The following ARID2 variants were observed in gnomAD, a reference collection of about 807,000 sequenced individuals.
ARID2 encodes the protein AT-rich interactive domain-containing protein 2.
Under a neutral mutation model 184.6 loss-of-function variants are expected in ARID2, and 32 were observed. That is an observed-to-expected ratio of 0.17 (90% CI 0.13 to 0.23). The LOEUF (loss-of-function observed/expected upper bound fraction) is 0.23. Ranked by LOEUF, ARID2 falls within the 10% of genes least tolerant of loss-of-function variation. The pLI is 1.00. For synonymous variants in ARID2, 836 were observed against 772.6 expected, an observed-to-expected ratio of 1.08 and a Z score of -1.36; for missense variants, 1,696 against 2,197.6, an observed-to-expected ratio of 0.77 and a Z score of 4.56.
rs1196125114 is a variant in ARID2, at chr12:45,863,710, C to T, written c.4922+2761C>T. 3.3e-5 allele frequency among the ~76,000 whole-genome samples: 5 copies of T among 152,120 alleles called. No homozygotes were observed. In the East Asian group the frequency reaches 7.7e-4, roughly 23 times the overall value. ...TATTTAAAGTTGAAATAGCTATGTG[C>T]TCTCTTCCTTTTAAGGACTTAAAAG... On this transcript the variant is annotated intron_variant, in intron 16 of 20. Coordinates refer to ENST00000334344, the MANE Select transcript of ARID2 (RefSeq NM_152641.4).
Position 45,851,735 on chromosome 12 carries a change from C to T in ARID2, c.3612C>T (p.Ser1204=), listed in dbSNP as rs754138436. 1.1e-5 allele frequency: 17 copies of T among 1,613,956 alleles called. No homozygotes were observed. The highest frequency in any genetic ancestry group is 1.6e-4 in the Middle Eastern group (1 of 6,084). Residue 1204 remains serine (S), a synonymous_variant, in exon 15 of 21, where the codon AGC becomes AGT. Coordinates refer to ENST00000334344, the MANE Select transcript of ARID2 (RefSeq NM_152641.4). ...QLIAPAGITM[S]GTQTGVGLPV... ...TTGCTCCAGCAGGAATTACCATGAGCGGAACGCAGACAGGAGTTGGACTTC... is the reference window on the plus strand; with the variant it reads ...TTGCTCCAGCAGGAATTACCATGAGTGGAACGCAGACAGGAGTTGGACTTC...
At chr12:45,787,190 C>T (rs1403030634) in intron 3 of ARID2, among the ~76,000 whole-genome samples, 1 of 151,042 alleles carries the variant, frequency 6.6e-6, no homozygotes, top group African/African-American at 2.4e-5. Context: ...TCATTTTAGC[C>T]ATTCCACAAT....
chr12:45,819,952 C>T (rs567847440), intron 5 of ARID2, among the ~76,000 whole-genome samples: 1 of 152,002 alleles, frequency 6.6e-6, no homozygotes, highest in Non-Finnish European at 1.5e-5. Context: ...TCATGTTGGC[C>T]AGGCCAATCT....
chr12:45,745,705 G>T (rs983154604), intron 3 of ARID2, among the ~76,000 whole-genome samples: 3 of 152,066 alleles, frequency 2.0e-5, no homozygotes, highest in African/African-American at 7.2e-5. Context: ...ACAACAACAT[G>T]CCTGGCTAAT....
intron 3 of ARID2, among the ~76,000 whole-genome samples, chr12:45,771,228 C>T (rs879761865): frequency 3.3e-5 from 5 of 151,996 alleles, no homozygotes; most frequent in Non-Finnish European, 7.4e-5. Flanking sequence ...CGTGGTGGCT[C>T]ACGCCTGTGA....
intron 8 of ARID2, 42 bp from the exon 9 acceptor site, chr12:45,837,279 G>C (rs761339925): frequency 2.7e-6 from 4 of 1,469,020 alleles, no homozygotes; most frequent in Non-Finnish European, 3.7e-6. Context: ...ATACAACTCT[G>C]GAAGAAGCAT....
intron 16 of ARID2, chr12:45,874,367 C>A: frequency 5.7e-6 from 1 of 174,652 alleles, no homozygotes; most frequent in Non-Finnish European, 1.2e-5. Context: ...TCTTCTCAAA[C>A]CCTGCTGCTA....
At chr12:45,838,140 T>C (rs1943254667) in intron 10 of ARID2, among the ~76,000 whole-genome samples, 1 of 152,198 alleles carries the variant, frequency 6.6e-6, no homozygotes. Flanking sequence ...CTGTTTCATA[T>C]GGCCAGCTAC....
chr12:45,760,523 GTTTT>G (rs1469702345), intron 3 of ARID2, among the ~76,000 whole-genome samples: 1 of 150,312 alleles, frequency 6.7e-6, no homozygotes, highest in Non-Finnish European at 1.5e-5. Flanking sequence ...TTTCTTTTGT[GTTTT>G]TTGTGTTTTT....
intron 5 of ARID2, 64 bp from the exon 6 acceptor site, chr12:45,821,356 A>T (rs1413762831): frequency 1.1e-5 from 11 of 1,007,804 alleles, no homozygotes; most frequent in Non-Finnish European, 1.6e-5. Context: ...CCTATTATTA[A>T]ATAATTAATT....
Position 45,851,181 on chromosome 12 carries a change from G to A in ARID2, c.3058G>A (p.Ala1020Thr), listed in dbSNP as rs1943541804. The A allele has an allele frequency of 1.9e-6, 3 of 1,614,036 alleles. No homozygotes were observed. In the African/African-American group the frequency reaches 4.0e-5, roughly 22 times the overall value. The change falls in exon 15 of 21, where the codon GCA becomes ACA. Residue 1020 changes from alanine to threonine, a missense_variant. Around this residue, in one of 11 missense-constraint regions of ARID2, gnomAD observed 713 missense variants for 824.4 expected, o/e 0.86. Transcript: ENST00000334344. ...GCAGCAACAGCAGCAACATTCACCA[G>A]CACCCCCACCACAGCAGGTACAAGT... ...KRQQQQQHSP[A>T]PPPQQVQVQV...
rs1470551926 is a variant in ARID2 at position 45,905,570 on chromosome 12, A to G, written c.*492A>G. On this transcript the variant is annotated 3_prime_UTR_variant, in exon 21 of 21. Coordinates refer to ENST00000334344, the MANE Select transcript of ARID2 (RefSeq NM_152641.4). The stretch of plus-strand genomic sequence containing the variant: ...TATACCCCCGATCTCAGAGGGGGCC[A>G]CCAATATCTAGCTATGGATCGTGTG... 4.3e-6 allele frequency: 1 copy of G among 233,324 alleles called. No homozygotes were observed. Among genetic ancestry groups the G allele is most frequent in the East Asian group, 6.1e-5 (1 of 16,500 alleles). The allele number at this position is 233,324 out of a possible 1,614,324, so 14.5% of individuals were successfully genotyped here. A position where few individuals can be genotyped will look rare whatever the true frequency, so the allele number is the denominator to read the frequency against.
chr12:45,797,473 A>G (rs1252066424), intron 3 of ARID2, among the ~76,000 whole-genome samples: 1 of 152,158 alleles, frequency 6.6e-6, no homozygotes, highest in Admixed American at 6.5e-5. Flanking sequence ...ATCTCAGGTG[A>G]TCCACCTGCC....
At chr12:45,816,788 A>G (rs988744758) in intron 4 of ARID2, among the ~76,000 whole-genome samples, 2 of 152,242 alleles carry the variant, frequency 1.3e-5, no homozygotes, top group Non-Finnish European at 2.9e-5. Context: ...AAAAGAAACC[A>G]GACAACAAAA....
Position 45,837,700 on chromosome 12 carries a change from G to C in ARID2, c.1323G>C (p.Lys441Asn). 6.2e-7 allele frequency: 1 copy of C among 1,613,344 alleles called. No individual in the cohort carries two copies. Among genetic ancestry groups the C allele is most frequent in the Non-Finnish European group, 8.5e-7 (1 of 1,179,424 alleles). Residue 441 changes from lysine to asparagine, a missense_variant, in exon 10 of 21, where the codon AAG (lysine) becomes AAC (asparagine). Around this residue, in one of 11 missense-constraint regions of ARID2, gnomAD observed 86 missense variants for 200.8 expected, o/e 0.43. Coordinates refer to ENST00000334344, the MANE Select transcript of ARID2 (RefSeq NM_152641.4). Reference protein sequence around the residue: ...VACTKIAKVEKSIDMLVCLVS... With the variant: ...VACTKIAKVENSIDMLVCLVS... Reference sequence around the variant, plus strand: ...GCACAAAAATTGCAAAAGTAGAAAAGAGCATAGGTAAGACTGGACCAAAAA... The same window carrying C: ...GCACAAAAATTGCAAAAGTAGAAAACAGCATAGGTAAGACTGGACCAAAAA...
chr12:45,890,721 A>G (rs940133379), intron 16 of ARID2, among the ~76,000 whole-genome samples: 6 of 152,138 alleles, frequency 3.9e-5, no homozygotes, highest in Non-Finnish European at 8.8e-5. Context: ...TTTTGATTAA[A>G]TTTTATTTTA....
At chr12:45,888,295 C>A (rs1407728818) in intron 16 of ARID2, among the ~76,000 whole-genome samples, 2 of 151,382 alleles carry the variant, frequency 1.3e-5, no homozygotes, top group African/African-American at 2.4e-5. Context: ...TTTACAAATA[C>A]ACACAAGTAC....
rs778247043 is a variant in ARID2, at chr12:45,821,481, C to T, written c.699C>T (p.Phe233=). 3.0e-5 allele frequency: 45 copies of T among 1,495,598 alleles called. No individual in the cohort carries two copies. The highest frequency in any genetic ancestry group is 3.8e-5 in the Non-Finnish European group (43 of 1,126,138). The allele number at this position is 1,495,598 out of a possible 1,614,324, so 92.6% of individuals were successfully genotyped here. A position where few individuals can be genotyped will look rare whatever the true frequency, so the allele number is the denominator to read the frequency against. Residue 233 remains phenylalanine (F), a synonymous_variant, in exon 6 of 21, where the codon TTC becomes TTT. Transcript: ENST00000334344. The part of the protein sequence containing the change: ...EEWKEKTDRD[F]VKFWKDIVDD... ...GGAAAGAGAAGACTGATAGAGACTTCGTTAAGGTAAATCATTTTAATTAAA... is the reference window on the plus strand; with the variant it reads ...GGAAAGAGAAGACTGATAGAGACTTTGTTAAGGTAAATCATTTTAATTAAA...
chr12:45,750,302 T>A (rs1227033610), intron 3 of ARID2, among the ~76,000 whole-genome samples: 1 of 152,170 alleles, frequency 6.6e-6, no homozygotes, highest in Non-Finnish European at 1.5e-5. Flanking sequence ...TTAAGTTGCT[T>A]TCTTATGTGG....
Sources: allele counts gnomAD v4.1 joint callset (sites outside exome capture counted in the v4.1 genomes callset), GRCh38; gene constraint gnomAD v4.1.1; regional missense constraint gnomAD v4.1.1; transcripts MANE v1.5; gene names NCBI Gene and HGNC (gene_info 2026-07-23, HGNC 2026-07-21).